The following TECPR1 variants were observed in gnomAD, a reference collection of about 807,000 sequenced individuals.
TECPR1 encodes the protein tectonin beta-propeller repeat-containing protein 1.
A neutral mutation model predicts 162.4 loss-of-function variants in TECPR1; 122 were observed. That is an observed-to-expected ratio of 0.75 (90% CI 0.65 to 0.87). The LOEUF (loss-of-function observed/expected upper bound fraction) is 0.87, where lower values mean the gene tolerates loss of function less well. Among genes scored for constraint, TECPR1 ranks in the 40% least tolerant of loss-of-function variants. The pLI is 0.00. For synonymous variants in TECPR1, 642 were observed against 670.6 expected (o/e 0.96, Z 0.66); for missense variants, 1,432 against 1,618.2 (o/e 0.88, Z 1.97).
chr7:98,228,931 G>A (rs1029890155), intron 16 of TECPR1, 108 bp downstream of exon 16: 83 of 1,416,356 alleles, frequency 5.9e-5, no homozygotes, highest in East Asian at 4.9e-5. Context: ...GCTGTTAGCC[G>A]AGTGTGAACA....
intron 17 of TECPR1, chr7:98,226,604 AC>A: frequency 2.9e-6 from 3 of 1,040,198 alleles, no homozygotes; most frequent in Non-Finnish European, 3.5e-6. Context: ...TGTTTCTATT[AC>A]TAAGTGTTTA....
chr7:98,245,158 T>TGCCCAGCCGACCCC (rs1798873373), intron 3 of TECPR1, 91 bp from the exon 4 acceptor site: 2 of 1,389,132 alleles, frequency 1.4e-6, no homozygotes, highest in African/African-American at 2.9e-5. Flanking sequence ...CAGCTGACCC[T>TGCCCAGCCGACCCC]GCCCAGCCGA....
chr7:98,230,293 A>C (rs1317974847), intron 15 of TECPR1, among the ~76,000 whole-genome samples: 1 of 151,956 alleles, frequency 6.6e-6, no homozygotes, highest in Non-Finnish European at 1.5e-5. Context: ...GGCGTGAGCC[A>C]ACCTGCCTAG....
At chr7:98,249,108 C>T (rs1036188389) in intron 2 of TECPR1, among the ~76,000 whole-genome samples, 1 of 152,108 alleles carries the variant, frequency 6.6e-6, no homozygotes, top group Non-Finnish European at 1.5e-5. Flanking sequence ...AGGCTGGTCT[C>T]GAACTCCTGG....
Position 98,225,061 on chromosome 7 carries a change from C to G in TECPR1, c.2555G>C (p.Gly852Ala), listed in dbSNP as rs933925712. Residue 852 changes from glycine (G) to alanine (A), a missense_variant, in exon 18 of 26, where the codon GGG becomes GCG. Physicochemically the swap from Gly to Ala is moderately conservative, Grantham distance 60 (BLOSUM62 0). Transcript: ENST00000447648. The stretch of plus-strand genomic sequence containing the variant: ...GCCAGCCTTCGTGCACTCCTGCAGC[C>G]CCGAGGCATCGCTCCACATGTACCG... ...TDRYMWSDAS[G>A]LQECTKAGTK... The G allele has an allele frequency of 3.8e-6, 6 of 1,567,480 alleles. No individual in the cohort carries two copies. The African/African-American group carries it at 5.4e-5, about 14-fold the overall frequency.
chr7:98,229,253 G>A (rs1798358952), intron 15 of TECPR1, 87 bp from the exon 16 acceptor site: 7 of 1,483,892 alleles, frequency 4.7e-6, no homozygotes, highest in Non-Finnish European at 3.6e-6. Flanking sequence ...GTGTCCTCCT[G>A]TGGTTCTGGG....
chr7:98,231,370 T>G lies in TECPR1; in HGVS notation c.1978A>C (p.Ile660Leu). The change falls in exon 14 of 26, where the codon ATC becomes CTC. Residue 660 changes from isoleucine to leucine, a missense_variant. By Grantham distance (5) the Ile-to-Leu change is conservative. Coordinates refer to ENST00000447648, the MANE Select transcript of TECPR1 (RefSeq NM_015395.3). ...ACCACCTCATTCAGGAATATGTGGA[T>G]GTACTGTTCACAGAACAGGCGCCCG... ...YYVVHEEKKYIHIFLNEVVAL... is the reference protein window; with the variant it reads ...YYVVHEEKKYLHIFLNEVVAL... 1 of 1,600,126 alleles carries G rather than the reference T, an allele frequency of 6.2e-7. No individual in the cohort carries two copies. The highest frequency in any genetic ancestry group is 8.5e-7 in the Non-Finnish European group (1 of 1,173,586).
intron 1 of TECPR1, 22 bp from the exon 2 acceptor site, chr7:98,251,570 C>T (rs1163555966): frequency 6.6e-6 from 1 of 152,352 alleles, no homozygotes; most frequent in Non-Finnish European, 1.5e-5. Flanking sequence ...GAAAAAGCAG[C>T]AGAACTTGCA....
intron 9 of TECPR1, among the ~76,000 whole-genome samples, chr7:98,237,671 G>A (rs2116598999): frequency 6.6e-6 from 1 of 152,250 alleles, no homozygotes; most frequent in African/African-American, 2.4e-5. Context: ...GTTTCACTGT[G>A]TTGGCCAGGC....
Position 98,233,547 on chromosome 7 carries a change from C to A in TECPR1, c.1546G>T (p.Gly516Trp), listed in dbSNP as rs759006239. The change falls in exon 11 of 26, where the codon GGG (glycine) becomes TGG (tryptophan). Residue 516 changes from glycine to tryptophan, a missense_variant. By Grantham distance (184) the Gly-to-Trp change is radical (BLOSUM62 -2). Coordinates refer to ENST00000447648, the MANE Select transcript of TECPR1 (RefSeq NM_015395.3). ...TCCTCCAAGCCCAGTGGGAGGAGCC[C>A]CAGAGAGGAGAGGCTGGTGGTCTCG... The part of the protein sequence containing the change: ...FPETTSLSSL[G>W]LLPLGLEEPY... 4 of 1,594,520 alleles carry A rather than the reference C, an allele frequency of 2.5e-6. No individual in the cohort carries two copies. Among genetic ancestry groups the A allele is most frequent in the Non-Finnish European group, 3.4e-6 (4 of 1,172,346 alleles).
chr7:98,232,074 C>A lies in TECPR1; in HGVS notation c.1819-115G>T. On this transcript the variant is annotated intron_variant, in intron 12 of 25. Coordinates refer to ENST00000447648, the MANE Select transcript of TECPR1 (RefSeq NM_015395.3). This position sits in a 1 kb window ranked among gnomAD's most constrained non-coding sequence, Gnocchi z 4.6. ...CAGGGCTGGGGTAGGGCCCACCCAG[C>A]ACTCCCGGCTGTCAGCCCAGCTCCC... 1 of 1,146,338 alleles carries A rather than the reference C, an allele frequency of 8.7e-7. No individual in the cohort carries two copies. 71.0% of individuals were successfully genotyped at this position (1,146,338 alleles called of 1,614,324 possible).
chr7:98,219,631 G>T (rs1798096064), intron 23 of TECPR1, among the ~76,000 whole-genome samples: 1 of 152,250 alleles, frequency 6.6e-6, no homozygotes, highest in South Asian at 2.1e-4. Context: ...GCTGGGCGCG[G>T]TGGCTCATGC....
chr7:98,222,926 G>GC, intron 21 of TECPR1, 64 bp downstream of exon 21: 1 of 1,577,498 alleles, frequency 6.3e-7, no homozygotes, highest in Non-Finnish European at 8.6e-7. Flanking sequence ...CAGGGTCTGA[G>GC]CCCTGCCGGA....
rs373863932 is a variant in TECPR1, at chr7:98,223,074, C to A, written c.2844G>T (p.Gly948=). ...SIIPESPGAE[G]SGHSIALWAV... ...CCCAGAGGGCGATGCTGTGCCCACT[C>A]CCCTCGGCACCCGGGCTCTCCGGGA... is the stretch of plus-strand genomic sequence containing the variant. The change falls in exon 21 of 26, where the codon GGG becomes GGT. Residue 948 remains glycine, a synonymous_variant. Coordinates refer to ENST00000447648, the MANE Select transcript of TECPR1 (RefSeq NM_015395.3). The A allele has an allele frequency of 5.0e-6, 8 of 1,604,414 alleles. No individual in the cohort carries two copies. The African/African-American group carries it at 1.1e-4, about 21-fold the overall frequency.
At chr7:98,248,206 C>G (rs12535455) in intron 2 of TECPR1, among the ~76,000 whole-genome samples, 125,864 of 152,140 alleles carry the variant, frequency 0.83, 53,150 homozygotes, top group East Asian at 0.95. Context: ...CACATGGCCA[C>G]ACACAAGGCA....
chr7:98,218,115 G>T, intron 23 of TECPR1, 73 bp from the exon 24 acceptor site: 1 of 1,288,126 alleles, frequency 7.8e-7, no homozygotes, highest in Non-Finnish European at 1.1e-6. Flanking sequence ...CCCGGCAGCC[G>T]GTGGCCAGGC....
chr7:98,245,137 A>T, intron 3 of TECPR1, 70 bp from the exon 4 acceptor site: 1 of 1,516,956 alleles, frequency 6.6e-7, no homozygotes, highest in Non-Finnish European at 8.9e-7. Flanking sequence ...CGGGCCAGGC[A>T]TCTCCAGGAC....
At chr7:98,247,179 G>C (rs1483027752) in intron 2 of TECPR1, among the ~76,000 whole-genome samples, 1 of 151,896 alleles carries the variant, frequency 6.6e-6, no homozygotes, top group Non-Finnish European at 1.5e-5. Context: ...GTCTTGCTCG[G>C]TCACCCAGGC....
chr7:98,223,006 G>A lies in TECPR1; in HGVS notation c.2912C>T (p.Ser971Leu), dbSNP rs753781096. The A allele has an allele frequency of 4.3e-6, 7 of 1,611,822 alleles. No homozygotes were observed. The Middle Eastern group carries it at 5.0e-4, about 114-fold the overall frequency. Residue 971 changes from serine (S) to leucine (L), a missense_variant, in exon 21 of 26, where the codon TCG (serine) becomes TTG (leucine). Ser to Leu is a moderately radical substitution (Grantham distance 145). Coordinates refer to ENST00000447648, the MANE Select transcript of TECPR1 (RefSeq NM_015395.3). ...GGCACTCACCGCAGGGTTGAGCTCC[G>A]ACACGCCCAGGCGGCACAGCACATC... ...KGDVLCRLGVSELNPAGSSWL... is the reference protein window; with the variant it reads ...KGDVLCRLGVLELNPAGSSWL...
Sources: allele counts gnomAD v4.1 joint callset (sites outside exome capture counted in the v4.1 genomes callset), GRCh38; gene constraint gnomAD v4.1.1; non-coding constraint Gnocchi (gnomAD v3.1); transcripts MANE v1.5; gene names NCBI Gene and HGNC (gene_info 2026-07-23, HGNC 2026-07-21).